PRIM2: variants seen among roughly 807,000 people sequenced by gnomAD.
PRIM2 encodes the protein DNA primase subunit 2, also known as DNA primase large subunit.
PRIM2 carries 39 observed loss-of-function variants against 67.3 expected under a neutral mutation model. That is an observed-to-expected ratio of 0.58 (90% CI 0.45 to 0.76). PRIM2 has a LOEUF of 0.76. PRIM2 is among the 30% of genes least tolerant of loss of function. PRIM2 has a pLI of 0.00. For missense variants in PRIM2, 398 were observed against 598.7 expected (o/e 0.66, Z 3.50); for synonymous variants, 143 against 198.7 (o/e 0.72, Z 2.36).
At chr6:57,510,434 T>G (rs1554347601) in intron 8 of PRIM2, among the ~76,000 whole-genome samples, 1 of 152,210 alleles carries the variant, frequency 6.6e-6, no homozygotes, top group Non-Finnish European at 1.5e-5. Context: ...TGAGAGATAA[T>G]GATGGATTCT....
chr6:57,290,666 G>A, the PRIM2 span, among the ~76,000 whole-genome samples: 2 of 152,168 alleles, frequency 1.3e-5, no homozygotes, highest in Non-Finnish European at 2.9e-5. Context: ...AGACCACAGT[G>A]CAATCAAATT....
chr6:57,621,870 A>G (rs1776862424), intron 12 of PRIM2, among the ~76,000 whole-genome samples: 1 of 152,130 alleles, frequency 6.6e-6, no homozygotes, highest in South Asian at 2.1e-4. Flanking sequence ...GGGCAGGTCT[A>G]CTAACAACAG....
intron 5 of PRIM2, among the ~76,000 whole-genome samples, chr6:57,379,449 A>C (rs1430634009): frequency 6.6e-6 from 1 of 151,892 alleles, no homozygotes; most frequent in Non-Finnish European, 1.5e-5. Flanking sequence ...TTCCTAGAAA[A>C]ACTAGTGTTT....
intron 5 of PRIM2, among the ~76,000 whole-genome samples, chr6:57,341,209 T>G (rs1455965559): frequency 6.6e-6 from 1 of 152,146 alleles, no homozygotes; most frequent in African/African-American, 2.4e-5. Context: ...ATTTTTCTAG[T>G]TCAGTGATTC....
intron 7 of PRIM2, among the ~76,000 whole-genome samples, chr6:57,503,519 C>T (rs1774185876): frequency 1.3e-5 from 2 of 152,200 alleles, no homozygotes; most frequent in African/African-American, 4.8e-5. Context: ...GAGGCCAAGG[C>T]GGGTGGATCA....
At chr6:57,557,493 T>C (rs1358186409) in intron 10 of PRIM2, among the ~76,000 whole-genome samples, 2 of 152,152 alleles carry the variant, frequency 1.3e-5, no homozygotes, top group Non-Finnish European at 2.9e-5. Context: ...TGGAGGCCAT[T>C]ATCCTTAGCA....
intron 5 of PRIM2, among the ~76,000 whole-genome samples, chr6:57,336,565 A>C (rs894525199): frequency 7.9e-5 from 12 of 152,162 alleles, no homozygotes; most frequent in South Asian, 2.1e-4. Context: ...CAACATTCTT[A>C]AAGAAAAGAA....
chr6:57,337,288 T>A (rs1448082649), intron 5 of PRIM2, among the ~76,000 whole-genome samples: 2 of 152,070 alleles, frequency 1.3e-5, no homozygotes, highest in African/African-American at 4.8e-5. Flanking sequence ...ACTGTCAACA[T>A]TAGACAGATC....
intron 8 of PRIM2, among the ~76,000 whole-genome samples, chr6:57,528,645 G>C (rs1312065301): frequency 3.3e-5 from 5 of 152,088 alleles, no homozygotes; most frequent in Non-Finnish European, 7.4e-5. Context: ...TTGTTTATTT[G>C]ATCTGAACAA....
At chr6:57,399,926 G>T in intron 7 of PRIM2, among the ~76,000 whole-genome samples, 1 of 152,140 alleles carries the variant, frequency 6.6e-6, no homozygotes. Flanking sequence ...TGAGTTCATT[G>T]TAGATTCTGG....
chr6:57,489,803 A>G (rs1554345785), intron 7 of PRIM2, among the ~76,000 whole-genome samples: 5 of 152,278 alleles, frequency 3.3e-5, no homozygotes, highest in Admixed American at 3.3e-4. Flanking sequence ...AATACCTAAA[A>G]TAACTATGAA....
intron 7 of PRIM2, among the ~76,000 whole-genome samples, chr6:57,500,602 A>G (rs1424667614): frequency 1.3e-5 from 2 of 152,230 alleles, no homozygotes; most frequent in South Asian, 2.1e-4. Context: ...CACAATTTCA[A>G]CATCTTTCTA....
At chr6:57,356,143 T>C (rs555678946) in intron 5 of PRIM2, among the ~76,000 whole-genome samples, 1 of 152,304 alleles carries the variant, frequency 6.6e-6, no homozygotes, top group African/African-American at 2.4e-5. Flanking sequence ...AGAGGTCATA[T>C]AGCTTGTGAG....
At chr6:57,615,208 A>C (rs1186342974) in intron 12 of PRIM2, among the ~76,000 whole-genome samples, 1 of 152,090 alleles carries the variant, frequency 6.6e-6, no homozygotes, top group Non-Finnish European at 1.5e-5. Context: ...GCTTGAGCCC[A>C]GGAGTTCGAG....
chr6:57,637,833 A>G (rs1777151353), intron 13 of PRIM2, among the ~76,000 whole-genome samples: 1 of 152,212 alleles, frequency 6.6e-6, no homozygotes, highest in African/African-American at 2.4e-5. Flanking sequence ...ACTTCAGGAT[A>G]TAATCCAGGA....
At chr6:57,416,274 C>T (rs1477714351) in intron 7 of PRIM2, among the ~76,000 whole-genome samples, 6 of 152,194 alleles carry the variant, frequency 3.9e-5, no homozygotes, top group African/African-American at 1.4e-4. Flanking sequence ...TGACCAGGTG[C>T]ATTGCCAACA....
At chr6:57,510,256 A>G (rs1463035872) in intron 8 of PRIM2, among the ~76,000 whole-genome samples, 4 of 152,186 alleles carry the variant, frequency 2.6e-5, no homozygotes, top group Non-Finnish European at 5.9e-5. Context: ...GTTTTGTTGA[A>G]TGAATGAATA....
At chr6:57,609,412 T>C (rs1221354088) in intron 12 of PRIM2, among the ~76,000 whole-genome samples, 2 of 152,176 alleles carry the variant, frequency 1.3e-5, no homozygotes, top group Admixed American at 1.3e-4. Flanking sequence ...TTATGAATGA[T>C]ATTCTGGTTA....
In PRIM2 at chr6:57,325,228, C is replaced by T. The variant is rs62418084; in HGVS notation, c.339-697C>T. Among the ~76,000 whole-genome samples the T allele has an allele frequency of 3.0e-3, 451 of 151,652 alleles. 1 individual carries two copies. Among genetic ancestry groups the T allele is most frequent in the Admixed American group, 6.0e-3 (91 of 15,226 alleles). On this transcript the variant is annotated intron_variant, in intron 4 of 13. Coordinates refer to ENST00000615550, the MANE Select transcript of PRIM2 (RefSeq NM_000947.5). ...AAAAAATTTGGTGTCTTTTATTTGG[C>T]ATTTATAAAGACACCTCAAGCCAAA...
Sources: allele counts gnomAD v4.1 joint callset (sites outside exome capture counted in the v4.1 genomes callset), GRCh38; gene constraint gnomAD v4.1.1; transcripts MANE v1.5; gene names NCBI Gene and HGNC (gene_info 2026-07-23, HGNC 2026-07-21).